The following EHHADH variants were observed in gnomAD, a reference collection of about 807,000 sequenced individuals.
EHHADH encodes peroxisomal bifunctional enzyme.
A neutral mutation model predicts 64.4 loss-of-function variants in EHHADH; 48 were observed. That is an observed-to-expected ratio of 0.75 (90% CI 0.59 to 0.95). The LOEUF is 0.95. EHHADH is among the 40% of genes least tolerant of loss of function. The probability of loss-of-function intolerance (pLI) is 0.00; values close to 1 mark genes in which losing one functional copy is unlikely to be tolerated. For synonymous variants in EHHADH, 308 were observed against 326.7 expected (o/e 0.94, Z 0.62); for missense variants, 854 against 876.6 (o/e 0.97, Z 0.33).
intron 6 of EHHADH, among the ~76,000 whole-genome samples, chr3:185,201,357 T>C (rs1049874635): frequency 6.6e-6 from 1 of 152,112 alleles, no homozygotes; most frequent in Non-Finnish European, 1.5e-5. Flanking sequence ...AAGGCAGCCA[T>C]GACAGTAATG....
chr3:185,241,296 T>G (rs1403475563), intron 2 of EHHADH, among the ~76,000 whole-genome samples: 28 of 152,182 alleles, frequency 1.8e-4, no homozygotes, highest in Admixed American at 1.6e-3. Context: ...CGTATGACTT[T>G]TTTCCTCTGC....
chr3:185,199,055 G>A lies in EHHADH; in HGVS notation c.910+5361C>T, dbSNP rs908054168. On this transcript the variant is annotated intron_variant, in intron 6 of 6. Coordinates refer to ENST00000231887, the MANE Select transcript of EHHADH (RefSeq NM_001966.4). ...TGATGTGAAAAGTTCAAATTTCTTT[G>A]ATTCAAAGGGAAAAAATTACATTCA... Among the ~76,000 whole-genome samples the A allele has an allele frequency of 2.0e-5, 3 of 151,934 alleles. No homozygotes were observed. The East Asian group carries it at 5.8e-4, about 29-fold the overall frequency.
chr3:185,199,414 G>C (rs966209314), intron 6 of EHHADH, among the ~76,000 whole-genome samples: 2 of 152,076 alleles, frequency 1.3e-5, no homozygotes, highest in East Asian at 3.9e-4. Flanking sequence ...GTGGGTTCTT[G>C]GATTGGCTCC....
Position 185,202,551 on chromosome 3 carries a change from C to T in EHHADH, c.910+1865G>A, listed in dbSNP as rs79694833. Among the ~76,000 whole-genome samples, 731 of 152,210 alleles carry T rather than the reference C, an allele frequency of 4.8e-3. 10 individuals carry two copies. The highest frequency in any genetic ancestry group is 0.016 in the African/African-American group (682 of 41,524). On this transcript the variant is annotated intron_variant, in intron 6 of 6. Coordinates refer to ENST00000231887, the MANE Select transcript of EHHADH (RefSeq NM_001966.4). ...GGGTCGCCAACCTCTGGCTGTGGACCGGTACCAGTCCGTGACCTGTTAGCA... is the reference window on the plus strand; with the variant it reads ...GGGTCGCCAACCTCTGGCTGTGGACTGGTACCAGTCCGTGACCTGTTAGCA...
At position 185,235,317 on chromosome 3, in the gene EHHADH, G is replaced by C; in HGVS notation, c.324C>G (p.Gly108=). 1 of 1,613,532 alleles carries C rather than the reference G, an allele frequency of 6.2e-7. No homozygotes were observed. The highest frequency in any genetic ancestry group is 1.1e-5 in the South Asian group (1 of 90,970). The change falls in exon 3 of 7, where the codon GGC becomes GGG. Residue 108 remains glycine (G), a synonymous_variant. Coordinates refer to ENST00000231887, the MANE Select transcript of EHHADH (RefSeq NM_001966.4). The part of the protein sequence containing the change: ...AFGGGLELAL[G]CHYRIAHAEA... ...CTGCGTGGGCAATCCTATAGTGACA[G>C]CCCAGGGCCAGCTCTAGTCCCCCTC...
Position 185,204,609 on chromosome 3 carries a change from A to C in EHHADH, c.717T>G (p.Ala239=). 2 of 1,614,240 alleles carry C rather than the reference A, an allele frequency of 1.2e-6. No individual in the cohort carries two copies. The highest frequency in any genetic ancestry group is 1.7e-6 in the Non-Finnish European group (2 of 1,180,026). The part of the protein sequence containing the change: ...AQEACVRAVQ[A]AVQYPYEVGI... ...CCACTTCATAGGGATACTGCACAGC[A>C]GCCTGGACTGCACGGACACAAGCCT... Residue 239 remains alanine, a synonymous_variant, in exon 6 of 7, where the codon GCT becomes GCG. Coordinates refer to ENST00000231887, the MANE Select transcript of EHHADH (RefSeq NM_001966.4).
At chr3:185,246,266 G>T in intron 2 of EHHADH, 1 of 841,110 alleles carries the variant, frequency 1.2e-6, no homozygotes, top group Non-Finnish European at 1.9e-6. Flanking sequence ...TTTTCCTACT[G>T]TCCTCATTGT....
intron 6 of EHHADH, among the ~76,000 whole-genome samples, chr3:185,200,176 C>T (rs1036829878): frequency 6.6e-6 from 1 of 152,134 alleles, no homozygotes; most frequent in Admixed American, 6.5e-5. Flanking sequence ...GCCTAACCAG[C>T]CCACTGTGGA....
intron 2 of EHHADH, chr3:185,248,099 T>C (rs1268395593): frequency 4.3e-6 from 1 of 230,228 alleles, no homozygotes. Context: ...TTCAGGAAGT[T>C]AAAGAGATTT....
intron 6 of EHHADH, among the ~76,000 whole-genome samples, chr3:185,199,389 G>T (rs1489974224): frequency 6.6e-6 from 1 of 152,144 alleles, no homozygotes; most frequent in Non-Finnish European, 1.5e-5. Context: ...TACGATGGTG[G>T]TGATTGGGGG....
intron 3 of EHHADH, among the ~76,000 whole-genome samples, chr3:185,234,192 C>T (rs997771464): frequency 2.0e-5 from 3 of 152,054 alleles, no homozygotes; most frequent in Non-Finnish European, 4.4e-5. Context: ...CTGTGATACA[C>T]AGTGGTATCA....
intron 2 of EHHADH, among the ~76,000 whole-genome samples, chr3:185,243,242 G>C (rs578219280): frequency 1.3e-5 from 2 of 152,314 alleles, no homozygotes; most frequent in Non-Finnish European, 2.9e-5. Flanking sequence ...GGAGCAGTCT[G>C]CTTCCTTCAG....
At position 185,204,132 on chromosome 3, in the gene EHHADH, C is replaced by CAA. The variant is rs1220063126; in HGVS notation, c.910+282_910+283dup. 6.1e-3 allele frequency among the ~76,000 whole-genome samples: 187 copies of CAA among 30,494 alleles called. 4 individuals are homozygous for CAA. The highest frequency in any genetic ancestry group is 0.015 in the African/African-American group (157 of 10,462). The allele number at this position is 30,494 out of a possible 152,430, so 20.0% of individuals were successfully genotyped here. On this transcript the variant is annotated intron_variant, in intron 6 of 6. Transcript: ENST00000231887. ...TGGGTGACAGAACAAGACTCTGTCTCAAAAAAAAAAAAAAAAAAAAAAAAA... is the reference window on the plus strand; with the variant it reads ...TGGGTGACAGAACAAGACTCTGTCTCAAAAAAAAAAAAAAAAAAAAAAAAAAA...
intron 2 of EHHADH, chr3:185,248,197 C>T: frequency 2.0e-6 from 1 of 501,218 alleles, no homozygotes; most frequent in Non-Finnish European, 3.5e-6. Context: ...ACTAAATATA[C>T]TCTAAAAGCC....
chr3:185,217,547 G>GA (rs755192275), intron 5 of EHHADH, among the ~76,000 whole-genome samples: 5,976 of 88,076 alleles, frequency 0.068, 697 homozygotes, highest in African/African-American at 0.23. Context: ...CTCTGTCTCA[G>GA]AAAAAAAAAA....
chr3:185,243,321 A>G (rs2160812), intron 2 of EHHADH, among the ~76,000 whole-genome samples: 101,434 of 152,042 alleles, frequency 0.67, 35,805 homozygotes, highest in Non-Finnish European at 0.79. Context: ...AATTCACGAC[A>G]TGAGCCTCTG....
chr3:185,226,557 G>A (rs1422920926), intron 4 of EHHADH, among the ~76,000 whole-genome samples: 1 of 151,256 alleles, frequency 6.6e-6, no homozygotes, highest in African/African-American at 2.4e-5. Flanking sequence ...GCTGAGGCAG[G>A]AGAATCACTT....
intron 2 of EHHADH, chr3:185,245,545 T>C: frequency 1.0e-6 from 1 of 970,236 alleles, no homozygotes; most frequent in Non-Finnish European, 1.6e-6. Context: ...ACATCTAGAA[T>C]GACAAGTTTC....
intron 6 of EHHADH, among the ~76,000 whole-genome samples, chr3:185,203,703 G>A (rs1345335172): frequency 1.3e-5 from 2 of 152,150 alleles, no homozygotes; most frequent in Non-Finnish European, 2.9e-5. Context: ...TGAAGTGAAT[G>A]GATCGGGGGA....
Sources: allele counts gnomAD v4.1 joint callset (sites outside exome capture counted in the v4.1 genomes callset), GRCh38; gene constraint gnomAD v4.1.1; transcripts MANE v1.5; gene names NCBI Gene and HGNC (gene_info 2026-07-23, HGNC 2026-07-21).